Variants in PRKDC observed in about 807,000 individuals in gnomAD.
PRKDC encodes the protein DNA-dependent protein kinase catalytic subunit.
In PRKDC, 82 loss-of-function variants were observed where a neutral mutation model predicts 486.9. The observed-to-expected ratio is 0.17, with a 90% CI of 0.14 to 0.20. The LOEUF (loss-of-function observed/expected upper bound fraction) is 0.20, where lower values mean the gene tolerates loss of function less well. Among genes scored for constraint, PRKDC ranks in the 10% least tolerant of loss-of-function variants. The pLI is 1.00. For synonymous variants in PRKDC, 1,895 were observed against 1,837.0 expected, an observed-to-expected ratio of 1.03 and a Z score of -0.81; for missense variants, 4,504 against 5,038.2, an observed-to-expected ratio of 0.89 and a Z score of 3.21.
At chr8:47,943,134 C>T (rs2090473381) in intron 10 of PRKDC, 75 bp downstream of exon 10, 1 of 1,461,672 alleles carries the variant, frequency 6.8e-7, no homozygotes, top group South Asian at 1.3e-5. Context: ...TATTTTCAAA[C>T]ATGCATGCAT....
chr8:47,807,810 G>A (rs1415140478), intron 68 of PRKDC, among the ~76,000 whole-genome samples: 1 of 151,660 alleles, frequency 6.6e-6, no homozygotes, highest in Non-Finnish European at 1.5e-5. Context: ...CCACCTTCTG[G>A]GTTCAAGCGA....
At chr8:47,867,361 A>G (rs1213322683) in intron 40 of PRKDC, among the ~76,000 whole-genome samples, 1 of 152,224 alleles carries the variant, frequency 6.6e-6, no homozygotes, top group Non-Finnish European at 1.5e-5. Context: ...TTGAGTCAAA[A>G]GAAAAAACAA....
At chr8:47,943,474 C>G (rs1289035894) in intron 9 of PRKDC, 108 bp from the exon 10 acceptor site, 3 of 1,164,604 alleles carry the variant, frequency 2.6e-6, no homozygotes, top group East Asian at 2.6e-5. Flanking sequence ...TCAGGAAGAT[C>G]TAGTACCATT....
chr8:47,935,361 A>C (rs959085407), intron 13 of PRKDC, among the ~76,000 whole-genome samples: 3 of 152,044 alleles, frequency 2.0e-5, no homozygotes, highest in African/African-American at 7.2e-5. Flanking sequence ...TTAGCCGGGC[A>C]TGGTGGCGGG....
chr8:47,896,579 G>A (rs1364072882), intron 30 of PRKDC, among the ~76,000 whole-genome samples: 3 of 151,858 alleles, frequency 2.0e-5, no homozygotes, highest in African/African-American at 7.3e-5. Context: ...CCCAGGAGGT[G>A]GAGCTTGCAG....
At chr8:47,933,862 T>C (rs2154503699) in intron 15 of PRKDC, 103 bp downstream of exon 15, 1 of 1,272,726 alleles carries the variant, frequency 7.9e-7, no homozygotes, top group South Asian at 2.1e-5. Context: ...TTTAAACTTT[T>C]GAAAGTTAGT....
At chr8:47,800,056 A>G (rs899571666) in intron 71 of PRKDC, among the ~76,000 whole-genome samples, 1 of 152,238 alleles carries the variant, frequency 6.6e-6, no homozygotes, top group African/African-American at 2.4e-5. Context: ...AGCACGGAGT[A>G]TGTCAATTTT....
At chr8:47,810,855 G>A (rs1289691764) in intron 68 of PRKDC, among the ~76,000 whole-genome samples, 4 of 152,168 alleles carry the variant, frequency 2.6e-5, no homozygotes, top group Middle Eastern at 3.4e-3. Flanking sequence ...TAAGATTGAA[G>A]ACAAATCAAT....
In PRKDC at chr8:47,777,012, C is replaced by T. The variant is rs369015946; in HGVS notation, c.12043-29G>A. ...GAAGAAAAGAACATGATTTTCCCGG[C>T]TGATCATAATGGTATATACAATCAT... On this transcript the variant is annotated intron_variant, in intron 84 of 85. Coordinates refer to ENST00000314191, the MANE Select transcript of PRKDC (RefSeq NM_006904.7). 2.1e-5 allele frequency: 34 copies of T among 1,601,730 alleles called. No individual in the cohort carries two copies. The African/African-American group carries it at 4.3e-4, about 20-fold the overall frequency.
chr8:47,908,926 C>T (rs888414245), intron 25 of PRKDC, among the ~76,000 whole-genome samples: 3 of 152,194 alleles, frequency 2.0e-5, no homozygotes, highest in Non-Finnish European at 4.4e-5. Flanking sequence ...CTTACCCTAA[C>T]TCTAGTCAGG....
Position 47,830,585 on chromosome 8 carries a change from A to G in PRKDC, c.8397+20T>C. On this transcript the variant is annotated intron_variant, in intron 61 of 85. Transcript: ENST00000314191. The stretch of plus-strand genomic sequence containing the variant: ...ACAGATTTTAACCTGTCAACAGAAA[A>G]CGCAGCGGCAAAAACTGACCTGGGC... 2 of 1,609,434 alleles carry G rather than the reference A, an allele frequency of 1.2e-6. No homozygotes were observed. Among genetic ancestry groups the G allele is most frequent in the Non-Finnish European group, 1.7e-6 (2 of 1,176,658 alleles).
rs1272929903 is a variant in PRKDC at position 47,915,437 on chromosome 8, G to A, written c.2527-19C>T. On this transcript the variant is annotated intron_variant, in intron 22 of 85. Coordinates refer to ENST00000314191, the MANE Select transcript of PRKDC (RefSeq NM_006904.7). ...CTTCGTTCTGTAAATTTGAACAATTGTATATATGTGATTACAAATGGGTTA... is the reference window on the plus strand; with the variant it reads ...CTTCGTTCTGTAAATTTGAACAATTATATATATGTGATTACAAATGGGTTA... The A allele has an allele frequency of 7.5e-7, 1 of 1,342,070 alleles. No individual in the cohort carries two copies. Among genetic ancestry groups the A allele is most frequent in the Non-Finnish European group, 1.0e-6 (1 of 975,738 alleles). The allele number at this position is 1,342,070 out of a possible 1,614,324, so 83.1% of individuals were successfully genotyped here. A position where few individuals can be genotyped will look rare whatever the true frequency, so the allele number is the denominator to read the frequency against.
At chr8:47,815,753 T>A (rs1012920997) in intron 68 of PRKDC, among the ~76,000 whole-genome samples, 1 of 152,242 alleles carries the variant, frequency 6.6e-6, no homozygotes, top group Non-Finnish European at 1.5e-5. Context: ...TTGTCAACAC[T>A]GGTTTGGGCC....
At position 47,773,906 on chromosome 8, in the gene PRKDC, T is replaced by G. The variant is rs574359600; in HGVS notation, c.*267A>C. ...CTTTGAAAGCTGATCACATATTATA[T>G]TCTTGACTTAATACTTTGGTAAGCC... On this transcript the variant is annotated 3_prime_UTR_variant, in exon 86 of 86. Coordinates refer to ENST00000314191, the MANE Select transcript of PRKDC (RefSeq NM_006904.7). 3 of 362,792 alleles carry G rather than the reference T, an allele frequency of 8.3e-6. No individual in the cohort carries two copies. The highest frequency in any genetic ancestry group is 1.5e-5 in the Non-Finnish European group (3 of 200,948). The allele number at this position is 362,792 out of a possible 1,614,324, so 22.5% of individuals were successfully genotyped here.
intron 77 of PRKDC, 68 bp downstream of exon 77, chr8:47,785,045 C>T: frequency 1.4e-6 from 2 of 1,473,644 alleles, no homozygotes; most frequent in Non-Finnish European, 1.9e-6. Flanking sequence ...ATTCCAGAAA[C>T]CACGAGTTCT....
In PRKDC at chr8:47,912,415, C is replaced by G; in HGVS notation, c.2929G>C (p.Asp977His). Residue 977 changes from aspartate (D) to histidine (H), a missense_variant, in exon 25 of 86, where the codon GAT (aspartate) becomes CAT (histidine). Transcript: ENST00000314191. ...PVLLRLACDV[D>H]QVTRQLYEPL... The stretch of plus-strand genomic sequence containing the variant: ...TTCAGATTCAAAGCCCTTACCTGAT[C>G]AACATCACACGCAAGTCGAAGCAGC... The G allele has an allele frequency of 6.3e-7, 1 of 1,576,378 alleles. No homozygotes were observed. The highest frequency in any genetic ancestry group is 8.6e-7 in the Non-Finnish European group (1 of 1,160,228).
intron 39 of PRKDC, among the ~76,000 whole-genome samples, chr8:47,878,100 T>TA (rs1377149266): frequency 1.4e-5 from 2 of 148,066 alleles, no homozygotes; most frequent in African/African-American, 4.9e-5. Flanking sequence ...GGTTTTTTTT[T>TA]AGGTTTTTTT....
chr8:47,874,959 G>A (rs1409401818), intron 40 of PRKDC, among the ~76,000 whole-genome samples: 1 of 152,154 alleles, frequency 6.6e-6, no homozygotes, highest in East Asian at 1.9e-4. Flanking sequence ...CGAGGCTGAA[G>A]TGGGAGGATT....
rs369212503 is a variant in PRKDC at position 47,846,321 on chromosome 8, C to T, written c.7280+2833G>A. ...ATCCCACTTACTCAGGAGGCTGAGG[C>T]AGGAGAATCGCTTAAACCTGGGAGG... is the stretch of plus-strand genomic sequence containing the variant. On this transcript the variant is annotated intron_variant, in intron 54 of 85. Coordinates refer to ENST00000314191, the MANE Select transcript of PRKDC (RefSeq NM_006904.7). 4.0e-4 allele frequency among the ~76,000 whole-genome samples: 60 copies of T among 150,038 alleles called. 2 individuals are homozygous for T. In the South Asian group the frequency reaches 0.012, roughly 31 times the overall value.
Sources: gnomAD v4.1 joint callset for allele counts (sites outside exome capture counted in the v4.1 genomes callset) on GRCh38, gnomAD v4.1.1 for gene constraint, MANE v1.5 for transcripts, NCBI Gene and HGNC (gene_info 2026-07-23, HGNC 2026-07-21) for gene names.